Variants in WSB2 observed in about 807,000 individuals in gnomAD.
WSB2 encodes WD repeat and SOCS box containing 2.
WSB2 carries 12 observed loss-of-function variants against 48.8 expected under a neutral mutation model. That is an observed-to-expected ratio of 0.25 (90% CI 0.16 to 0.40). WSB2 has a LOEUF of 0.40. WSB2 is among the 10% of genes least tolerant of loss of function. WSB2 has a pLI of 1.00. For missense variants in WSB2, 317 were observed against 506.2 expected, an observed-to-expected ratio of 0.63 and a Z score of 3.59; for synonymous variants, 191 against 203.1, an observed-to-expected ratio of 0.94 and a Z score of 0.51.
At chr12:118,043,816 C>A (rs1334754264) in intron 2 of WSB2, among the ~76,000 whole-genome samples, 1 of 151,542 alleles carries the variant, frequency 6.6e-6, no homozygotes, top group Non-Finnish European at 1.5e-5. Flanking sequence ...CTTTTTGTTT[C>A]TTTTTAAGAG....
At position 118,038,384 on chromosome 12, in the gene WSB2, T is replaced by A; in HGVS notation, c.564A>T (p.Lys188Asn). ...LRIWDLNKHG[K>N]QIQVLSGHLQ... is the part of the protein sequence containing the mutation. ...GGTGGCCCGATAACACTTGAATCTG[T>A]TTACCTGGCAGGAAAAAGAAGCAAA... Residue 188 changes from lysine (K) to asparagine (N), a missense_variant, in exon 5 of 9, where the codon AAA (lysine) becomes AAT (asparagine). By Grantham distance (94) the Lys-to-Asn change is moderately conservative. This residue lies in a region of WSB2 where 189 missense variants were observed against 349.6 expected (regional missense o/e 0.54). Transcript: ENST00000315436. The A allele has an allele frequency of 6.2e-7, 1 of 1,613,842 alleles. No homozygotes were observed. The highest frequency in any genetic ancestry group is 8.5e-7 in the Non-Finnish European group (1 of 1,179,916).
intron 4 of WSB2, among the ~76,000 whole-genome samples, chr12:118,039,263 T>G (rs1276676910): frequency 3.3e-5 from 5 of 152,074 alleles, no homozygotes; most frequent in African/African-American, 1.2e-4. Context: ...TAACCCAGGG[T>G]GTCTCACACA....
At chr12:118,061,895 G>A (rs915248517), upstream of WSB2, among the ~76,000 whole-genome samples, 6 of 147,488 alleles carry the variant, frequency 4.1e-5, no homozygotes, top group Non-Finnish European at 8.9e-5. Flanking sequence ...TGCTGGGGAG[G>A]ACGTAAGAAT....
At chr12:118,058,649 C>T (rs188746056) in intron 1 of WSB2, among the ~76,000 whole-genome samples, 9 of 152,074 alleles carry the variant, frequency 5.9e-5, no homozygotes, top group Admixed American at 5.9e-4. Flanking sequence ...CATTCACTTT[C>T]CTTTAACCAT....
rs1329935548 is a variant in WSB2, at chr12:118,034,243, G to A, written c.1168C>T (p.Pro390Ser). 1.2e-6 allele frequency: 2 copies of A among 1,614,212 alleles called. No homozygotes were observed. The highest frequency in any genetic ancestry group is 1.7e-6 in the Non-Finnish European group (2 of 1,180,038). Residue 390 changes from proline to serine, a missense_variant, in exon 9 of 9, where the codon CCA (proline) becomes TCA (serine). Pro to Ser is a moderately conservative substitution (Grantham distance 74). Around this residue, in one of 2 missense-constraint regions of WSB2, gnomAD observed 189 missense variants for 349.6 expected, o/e 0.54. Transcript: ENST00000315436. ...FLTTYQVLAL[P>S]IPKKMKEFLT... ...AACTCTTTCATTTTCTTGGGGATTGGCAGTGCTAGGACTTGGTAAGTTGTT... is the reference window on the plus strand; with the variant it reads ...AACTCTTTCATTTTCTTGGGGATTGACAGTGCTAGGACTTGGTAAGTTGTT...
chr12:118,035,833 C>T, intron 6 of WSB2: 1 of 164,238 alleles, frequency 6.1e-6, no homozygotes, highest in South Asian at 1.6e-4. Flanking sequence ...CGAAGAAGTA[C>T]ACACAGCCAC....
At chr12:118,051,376 A>C (rs7488835) in intron 2 of WSB2, among the ~76,000 whole-genome samples, 26,919 of 152,206 alleles carry the variant, frequency 0.18, 2,460 homozygotes, top group African/African-American at 0.19. Flanking sequence ...AAAACAACCC[A>C]ATGTCCATCA....
rs11068780 is a variant in WSB2 at position 118,038,274 on chromosome 12, C to T, written c.660+14G>A. The T allele has an allele frequency of 0.17, 272,512 of 1,608,258 alleles. 23,718 individuals carry two copies. The highest frequency in any genetic ancestry group is 0.21 in the Middle Eastern group (1,235 of 5,892). ...ATGTCTCAGTGAATTAAAGCAATAACGCTGGAGACTCACCGACTTCTCTCC... is the reference window on the plus strand; with the variant it reads ...ATGTCTCAGTGAATTAAAGCAATAATGCTGGAGACTCACCGACTTCTCTCC... On this transcript the variant is annotated intron_variant, in intron 5 of 8. Coordinates refer to ENST00000315436, the MANE Select transcript of WSB2 (RefSeq NM_018639.5).
rs35299550 is a variant in WSB2 at position 118,033,547 on chromosome 12, T to TAAAAAAAAAAAAAAAAAAA, written c.*648_*649insTTTTTTTTTTTTTTTTTTT. 1 of 130,852 alleles carries TAAAAAAAAAAAAAAAAAAA rather than the reference T, an allele frequency of 7.6e-6. No homozygotes were observed. 8.1% of individuals were successfully genotyped at this position (130,852 alleles called of 1,614,324 possible). ...ATTTCCTGCACATGCACACCATTGT[T>TAAAAAAAAAAAAAAAAAAA]AAAAAAAAAAAAAAAAAGCCAGTAA... On this transcript the variant is annotated 3_prime_UTR_variant, in exon 9 of 9. Coordinates refer to ENST00000315436, the MANE Select transcript of WSB2 (RefSeq NM_018639.5).
intron 5 of WSB2, among the ~76,000 whole-genome samples, chr12:118,037,172 A>C (rs537023752): frequency 6.6e-6 from 1 of 152,024 alleles, no homozygotes; most frequent in Admixed American, 6.5e-5. Flanking sequence ...AAAGAGTAAG[A>C]CTGTCTCAAA....
intron 2 of WSB2, among the ~76,000 whole-genome samples, chr12:118,043,964 A>C (rs560335177): frequency 2.6e-4 from 40 of 152,090 alleles, no homozygotes; most frequent in Non-Finnish European, 5.0e-4. Context: ...TAAAAAAAAA[A>C]AACAATTCGC....
At chr12:118,057,048 T>A (rs2031969740) in intron 1 of WSB2, among the ~76,000 whole-genome samples, 2 of 152,228 alleles carry the variant, frequency 1.3e-5, no homozygotes, top group African/African-American at 4.8e-5. Flanking sequence ...CTATTTCAGG[T>A]TCAGGAATCC....
chr12:118,048,695 A>G (rs1302578327), intron 2 of WSB2, among the ~76,000 whole-genome samples: 1 of 152,234 alleles, frequency 6.6e-6, no homozygotes, highest in African/African-American at 2.4e-5. Flanking sequence ...AAAAATGGTT[A>G]ATACTCAAAT....
chr12:118,051,842 T>G (rs987561132), intron 2 of WSB2, among the ~76,000 whole-genome samples: 2 of 152,090 alleles, frequency 1.3e-5, no homozygotes. Context: ...GGCGTGGTGG[T>G]GTGTGCCTGT....
intron 2 of WSB2, among the ~76,000 whole-genome samples, chr12:118,049,500 C>G (rs2137788098): frequency 6.6e-6 from 1 of 152,082 alleles, no homozygotes; most frequent in African/African-American, 2.4e-5. Context: ...CTCCCAGGTT[C>G]ACGCGATTCT....
intron 4 of WSB2, 164 bp downstream of exon 4, chr12:118,042,677 C>T (rs915034329): frequency 3.4e-5 from 34 of 1,010,030 alleles, no homozygotes; most frequent in African/African-American, 1.8e-4. Context: ...ATCTTTGGGG[C>T]GGGCAGGGGC....
chr12:118,061,313 G>T (rs12818975), upstream of WSB2: 1 of 539,174 alleles, frequency 1.9e-6, no homozygotes, highest in Non-Finnish European at 2.4e-6. Context: ...GAGGCGGTAC[G>T]CTGACGGGAT....
At chr12:118,050,507 G>A (rs566671144) in intron 2 of WSB2, among the ~76,000 whole-genome samples, 1 of 152,030 alleles carries the variant, frequency 6.6e-6, no homozygotes, top group East Asian at 1.9e-4. Flanking sequence ...TGGGCATGGT[G>A]GCGCGCCTGT....
Position 118,060,540 on chromosome 12 carries a change from C to G in WSB2, c.13+496G>C, listed in dbSNP as rs1039318035. Among the ~76,000 whole-genome samples, 4 of 152,178 alleles carry G rather than the reference C, an allele frequency of 2.6e-5. No individual in the cohort carries two copies. Among genetic ancestry groups the G allele is most frequent in the African/African-American group, 9.7e-5 (4 of 41,450 alleles). On this transcript the variant is annotated intron_variant, in intron 1 of 8. Coordinates refer to ENST00000315436, the MANE Select transcript of WSB2 (RefSeq NM_018639.5). This position sits in a 1 kb window ranked among gnomAD's most constrained non-coding sequence, Gnocchi z 4.1. ...CCTCCGAGGAAGGTACTAGGATTAT[C>G]CCATTTTGCAGATCAAAACTGAGAC...
Sources: gnomAD v4.1 joint callset for allele counts (sites outside exome capture counted in the v4.1 genomes callset) on GRCh38, gnomAD v4.1.1 for gene constraint, gnomAD v4.1.1 regional missense constraint, Gnocchi (gnomAD v3.1) non-coding constraint, MANE v1.5 for transcripts, NCBI Gene and HGNC (gene_info 2026-07-23, HGNC 2026-07-21) for gene names.